Variants in PREX1 observed in about 807,000 individuals in gnomAD.
PREX1 encodes phosphatidylinositol 3,4,5-trisphosphate-dependent Rac exchanger 1 protein.
A neutral mutation model predicts 198.3 loss-of-function variants in PREX1; 41 were observed. That is an observed-to-expected ratio of 0.21 (90% CI 0.16 to 0.27). The LOEUF (loss-of-function observed/expected upper bound fraction) is 0.27. PREX1 is among the 10% of genes least tolerant of loss of function. The probability of loss-of-function intolerance (pLI) is 1.00; values close to 1 mark genes in which losing one functional copy is unlikely to be tolerated. For missense variants in PREX1, 1,620 were observed against 2,200.7 expected (o/e 0.74, Z 5.28); for synonymous variants, 843 against 887.2 (o/e 0.95, Z 0.89).
the PREX1 span, among the ~76,000 whole-genome samples, chr20:48,884,072 C>T: frequency 2.1e-5 from 3 of 142,602 alleles, no homozygotes; most frequent in African/African-American, 7.8e-5. Flanking sequence ...ACTCAGGAGG[C>T]GGAGCTTGCA....
chr20:48,663,842 A>G (rs1489361727), intron 15 of PREX1, among the ~76,000 whole-genome samples: 1 of 152,102 alleles, frequency 6.6e-6, no homozygotes, highest in Non-Finnish European at 1.5e-5. Context: ...CCTCGCTGGC[A>G]TCCCTGTTTC....
chr20:48,869,168 C>T, the PREX1 span, among the ~76,000 whole-genome samples: 1 of 152,128 alleles, frequency 6.6e-6, no homozygotes, highest in African/African-American at 2.4e-5. Flanking sequence ...AGCCACCATA[C>T]CCAGCCAAGA....
At chr20:48,862,807 A>ATATATATATGTGTGTG in the PREX1 span, among the ~76,000 whole-genome samples, 51 of 126,670 alleles carry the variant, frequency 4.0e-4, 1 homozygote, top group African/African-American at 1.3e-3. Context: ...ATATATATAT[A>ATATATATATGTGTGTG]TATATACTAA....
At chr20:48,681,390 G>C in intron 10 of PREX1, 55 bp from the exon 11 acceptor site, 2 of 1,554,198 alleles carry the variant, frequency 1.3e-6, no homozygotes, top group East Asian at 2.2e-5. Flanking sequence ...GGGACCACAG[G>C]AATCAGCACT....
the PREX1 span, among the ~76,000 whole-genome samples, chr20:48,838,331 A>T: frequency 6.6e-6 from 1 of 152,206 alleles, no homozygotes; most frequent in African/African-American, 2.4e-5. Flanking sequence ...CTTAAAAATA[A>T]ATATATATAC....
intron 1 of PREX1, among the ~76,000 whole-genome samples, chr20:48,800,169 C>A (rs2090380262): frequency 6.6e-6 from 1 of 152,196 alleles, no homozygotes; most frequent in South Asian, 2.1e-4. Context: ...CCACGTTTTA[C>A]AAGTGGAAAA....
the PREX1 span, among the ~76,000 whole-genome samples, chr20:48,840,332 C>A: frequency 7.0e-6 from 1 of 143,238 alleles, no homozygotes; most frequent in Admixed American, 7.1e-5. Context: ...CAAGTATTAA[C>A]CTTAACCAAA....
chr20:48,812,171 G>A (rs553382973), intron 1 of PREX1, among the ~76,000 whole-genome samples: 2 of 152,214 alleles, frequency 1.3e-5, no homozygotes, highest in African/African-American at 4.8e-5. Context: ...CAAAAGAACC[G>A]GTAGCAATCA....
intron 1 of PREX1, among the ~76,000 whole-genome samples, chr20:48,789,112 C>G (rs2090326083): frequency 6.6e-6 from 1 of 152,192 alleles, no homozygotes; most frequent in Admixed American, 6.5e-5. Context: ...CCCCACCATG[C>G]AAGGATTAAA....
chr20:48,706,647 G>A (rs2089904289), intron 6 of PREX1, among the ~76,000 whole-genome samples: 1 of 152,190 alleles, frequency 6.6e-6, no homozygotes, highest in South Asian at 2.1e-4. Context: ...GGAAGCATGA[G>A]AGAAAGAAGA....
At chr20:48,674,181 G>C (rs1466636955) in intron 14 of PREX1, among the ~76,000 whole-genome samples, 1 of 152,194 alleles carries the variant, frequency 6.6e-6, no homozygotes, top group Non-Finnish European at 1.5e-5. Flanking sequence ...CCAGGACATA[G>C]GGTCCCATAT....
intron 1 of PREX1, among the ~76,000 whole-genome samples, chr20:48,806,142 C>A (rs1290285672): frequency 6.6e-6 from 1 of 152,178 alleles, no homozygotes; most frequent in African/African-American, 2.4e-5. Flanking sequence ...CCAGTTGTGA[C>A]AACCAAAAAT....
Position 48,679,345 on chromosome 20 carries a change from G to C in PREX1, c.1589+15C>G. 2 of 1,609,094 alleles carry C rather than the reference G, an allele frequency of 1.2e-6. No homozygotes were observed. Among genetic ancestry groups the C allele is most frequent in the South Asian group, 2.2e-5 (2 of 90,902 alleles). On this transcript the variant is annotated intron_variant, in intron 13 of 39. Coordinates refer to ENST00000371941, the MANE Select transcript of PREX1 (RefSeq NM_020820.4). The stretch of plus-strand genomic sequence containing the variant: ...GAGGTAGAGGTGAAATTGGAGCTTG[G>C]AAAGAGTAACTTACTTGATCACCGG...
At chr20:48,873,209 G>A in the PREX1 span, among the ~76,000 whole-genome samples, 1 of 152,154 alleles carries the variant, frequency 6.6e-6, no homozygotes, top group Non-Finnish European at 1.5e-5. Context: ...CAAGGGAAAA[G>A]TTCACCTCCA....
At chr20:48,662,920 AC>A (rs2089607718) in intron 15 of PREX1, among the ~76,000 whole-genome samples, 1 of 152,038 alleles carries the variant, frequency 6.6e-6, no homozygotes, top group African/African-American at 2.4e-5. Context: ...GCTGGGGAGG[AC>A]CCCTAATTAC....
chr20:48,657,921 G>A lies in PREX1; in HGVS notation c.1974+215C>T, dbSNP rs554314302. ...CAGAGGGCAGTGGTGGAACACACCA[G>A]GAGCACAGCCCCGGGACTCTGCACT... is the stretch of plus-strand genomic sequence containing the variant. On this transcript the variant is annotated intron_variant, in intron 17 of 39. Transcript: ENST00000371941. Among the ~76,000 whole-genome samples the A allele has an allele frequency of 6.6e-5, 10 of 152,332 alleles. No individual in the cohort carries two copies. The South Asian group carries it at 2.1e-3, about 32-fold the overall frequency.
At chr20:48,765,631 A>G (rs898727917) in intron 1 of PREX1, among the ~76,000 whole-genome samples, 2 of 152,230 alleles carry the variant, frequency 1.3e-5, no homozygotes, top group Non-Finnish European at 2.9e-5. Flanking sequence ...GCAGAGGAGG[A>G]GGACGGAGCC....
At chr20:48,806,183 G>A (rs1191110602) in intron 1 of PREX1, among the ~76,000 whole-genome samples, 2 of 152,296 alleles carry the variant, frequency 1.3e-5, no homozygotes, top group Non-Finnish European at 2.9e-5. Context: ...GTCCCCTTTG[G>A]GGGAGGGGCC....
At chr20:48,767,612 T>C (rs1455946719) in intron 1 of PREX1, among the ~76,000 whole-genome samples, 6 of 152,164 alleles carry the variant, frequency 3.9e-5, no homozygotes, top group Non-Finnish European at 7.3e-5. Context: ...ATGGGGTTCT[T>C]ATCTGTCAGT....
Sources: allele counts gnomAD v4.1 joint callset (sites outside exome capture counted in the v4.1 genomes callset), GRCh38; gene constraint gnomAD v4.1.1; transcripts MANE v1.5; gene names NCBI Gene and HGNC (gene_info 2026-07-23, HGNC 2026-07-21).